RFC3: variants seen among roughly 807,000 people sequenced by gnomAD.
The protein encoded by RFC3 is replication factor C subunit 3, also known as A1 38 kDa subunit.
Under a neutral mutation model 45.1 loss-of-function variants are expected in RFC3, and 41 were observed. The observed-to-expected ratio is 0.91, with a 90% CI of 0.71 to 1.18. RFC3 has a LOEUF of 1.18. RFC3 is among the 50% of genes most tolerant of loss of function. The pLI, the probability that RFC3 is intolerant of heterozygous loss-of-function variation, is 0.00. For missense variants in RFC3, 423 were observed against 428.1 expected, an observed-to-expected ratio of 0.99 and a Z score of 0.10; for synonymous variants, 149 against 144.0, an observed-to-expected ratio of 1.03 and a Z score of -0.25.
intron 8 of RFC3, among the ~76,000 whole-genome samples, chr13:33,871,356 G>A (rs1566010225): frequency 6.6e-6 from 1 of 152,146 alleles, no homozygotes; most frequent in South Asian, 2.1e-4. Context: ...GGAAGAATCC[G>A]TGTCTGTGCC....
exon 9 of RFC3, chr13:33,966,213 A>G: frequency 1.0e-6 from 1 of 988,610 alleles, no homozygotes; most frequent in South Asian, 1.3e-5. Context: ...CTTTGCTCTG[A>G]ATGTCCTGAC....
intron 8 of RFC3, among the ~76,000 whole-genome samples, chr13:33,852,656 T>C (rs1278644816): frequency 6.6e-6 from 1 of 152,166 alleles, no homozygotes; most frequent in Admixed American, 6.6e-5. Flanking sequence ...TCTTGGACTT[T>C]AGGGATTAAA....
chr13:33,868,623 G>T (rs2082388634), intron 8 of RFC3, among the ~76,000 whole-genome samples: 1 of 152,152 alleles, frequency 6.6e-6, no homozygotes, highest in Admixed American at 6.5e-5. Context: ...GTGTAACTAA[G>T]TAACCAGTGG....
At chr13:33,923,438 G>A (rs2082782410) in intron 8 of RFC3, among the ~76,000 whole-genome samples, 3 of 152,084 alleles carry the variant, frequency 2.0e-5, no homozygotes, top group Admixed American at 2.0e-4. Context: ...CTGTAGTGTG[G>A]CTGGTGCATA....
chr13:33,889,003 C>A (rs1015198974), intron 8 of RFC3, among the ~76,000 whole-genome samples: 2 of 152,220 alleles, frequency 1.3e-5, no homozygotes, highest in African/African-American at 4.8e-5. Flanking sequence ...CTCGGCCTCC[C>A]AAAGTGCTGG....
chr13:33,834,302 A>G (rs200327010), intron 7 of RFC3, among the ~76,000 whole-genome samples: 469 of 13,464 alleles, frequency 0.035, 9 homozygotes, highest in Admixed American at 0.055. Context: ...CTGTGTGTAT[A>G]TATATATATA....
chr13:33,933,972 C>T (rs1303779775), intron 8 of RFC3, among the ~76,000 whole-genome samples: 1 of 150,090 alleles, frequency 6.7e-6, no homozygotes, highest in Non-Finnish European at 1.5e-5. Context: ...ACAGAGACTG[C>T]AGGGAAACTA....
At chr13:33,975,760 T>G in the RFC3 span, among the ~76,000 whole-genome samples, 1 of 152,106 alleles carries the variant, frequency 6.6e-6, no homozygotes. Context: ...CCAACAGGTA[T>G]GTGGATTAAT....
intron 7 of RFC3, among the ~76,000 whole-genome samples, chr13:33,833,553 A>G (rs1173646420): frequency 6.6e-6 from 1 of 152,168 alleles, no homozygotes; most frequent in Non-Finnish European, 1.5e-5. Context: ...TTAATTTTGT[A>G]AAACAGTAAT....
chr13:33,939,532 A>C (rs2082910560), intron 8 of RFC3, among the ~76,000 whole-genome samples: 1 of 152,206 alleles, frequency 6.6e-6, no homozygotes, highest in Non-Finnish European at 1.5e-5. Flanking sequence ...TTCTTCCTGC[A>C]TTGTATCCTT....
intron 8 of RFC3, among the ~76,000 whole-genome samples, chr13:33,933,152 A>C (rs1013078619): frequency 6.6e-6 from 1 of 152,160 alleles, no homozygotes; most frequent in East Asian, 1.9e-4. Context: ...CAAACAATAC[A>C]TTCTTCAGAT....
chr13:33,921,378 A>T (rs2082767892), intron 8 of RFC3, among the ~76,000 whole-genome samples: 1 of 152,154 alleles, frequency 6.6e-6, no homozygotes, highest in Admixed American at 6.5e-5. Flanking sequence ...AGAACTGAAG[A>T]CACACAACTT....
At chr13:33,867,574 T>A (rs1182394963) in intron 8 of RFC3, among the ~76,000 whole-genome samples, 1 of 152,150 alleles carries the variant, frequency 6.6e-6, no homozygotes, top group Non-Finnish European at 1.5e-5. Flanking sequence ...CCAAAAGAGA[T>A]GAGTGTAGAT....
intron 8 of RFC3, among the ~76,000 whole-genome samples, chr13:33,886,667 G>C (rs1031829280): frequency 1.3e-5 from 2 of 148,756 alleles, no homozygotes; most frequent in Non-Finnish European, 3.0e-5. Flanking sequence ...AAGTTTTAGG[G>C]TACATGTGCA....
downstream of RFC3, among the ~76,000 whole-genome samples, chr13:33,841,836 C>T (rs562583169): frequency 6.6e-6 from 1 of 152,150 alleles, no homozygotes; most frequent in Non-Finnish European, 1.5e-5. Context: ...TTTCTAGGGT[C>T]TCTACTGCAT....
rs3135638 is a variant in RFC3, at chr13:33,836,868, A to G, written c.*573A>G. 2,792 of 984,356 alleles carry G rather than the reference A, an allele frequency of 2.8e-3. 60 individuals are homozygous for G. In the African/African-American group the frequency reaches 0.045, roughly 16 times the overall value. 61.0% of individuals were successfully genotyped at this position (984,356 alleles called of 1,614,324 possible). A position where few individuals can be genotyped will look rare whatever the true frequency, so the allele number is the denominator to read the frequency against. ...TGGTTCAGATTAGTATTAGGTCGGT[A>G]CTAAGAAATAAGCATGTTTTCACTA... is the stretch of plus-strand genomic sequence containing the variant. On this transcript the variant is annotated 3_prime_UTR_variant, in exon 9 of 9. Transcript: ENST00000380071.
intron 7 of RFC3, among the ~76,000 whole-genome samples, chr13:33,832,272 C>T (rs1020443636): frequency 6.6e-6 from 1 of 152,098 alleles, no homozygotes; most frequent in African/African-American, 2.4e-5. Context: ...TTGGACCTTA[C>T]AGAGGGTAGT....
chr13:33,906,758 G>A (rs2082674306), intron 8 of RFC3, among the ~76,000 whole-genome samples: 1 of 152,084 alleles, frequency 6.6e-6, no homozygotes, highest in Non-Finnish European at 1.5e-5. Context: ...GCTTTCAACT[G>A]TGGTCTGTAG....
rs140658809 is a variant in RFC3, at chr13:33,959,236, C to T, written c.880-6851C>T. ...TCTCTGCTCTCCTTCTAAAACACAACTATGATTAGGTTATTTCCCTGCTTA... is the reference window on the plus strand; with the variant it reads ...TCTCTGCTCTCCTTCTAAAACACAATTATGATTAGGTTATTTCCCTGCTTA... On this transcript the variant is annotated intron_variant, in intron 8 of 8. Transcript: ENST00000434425. 1.5e-3 allele frequency among the ~76,000 whole-genome samples: 236 copies of T among 152,294 alleles called. 6 individuals are homozygous for T. In the East Asian group the frequency reaches 0.041, roughly 26 times the overall value.
Sources: gnomAD v4.1 joint callset for allele counts (sites outside exome capture counted in the v4.1 genomes callset) on GRCh38, gnomAD v4.1.1 for gene constraint, MANE v1.5 for transcripts, NCBI Gene and HGNC (gene_info 2026-07-23, HGNC 2026-07-21) for gene names.